GRM1: variants seen among roughly 807,000 people sequenced by gnomAD.
GRM1 encodes the protein glutamate metabotropic receptor 1, also known as metabotropic glutamate receptor 1.
In GRM1, 33 loss-of-function variants were observed where a neutral mutation model predicts 90.9. The ratio of observed to expected loss-of-function variants is 0.36; its 90% CI spans 0.28 to 0.49. The LOEUF is 0.49. GRM1 is among the 20% of genes least tolerant of loss of function. The pLI is 0.99. For missense variants in GRM1, 1,190 were observed against 1,534.3 expected, an observed-to-expected ratio of 0.78 and a Z score of 3.75; for synonymous variants, 700 against 613.2, an observed-to-expected ratio of 1.14 and a Z score of -2.09.
chr6:146,150,759 T>C (rs916510884), intron 1 of GRM1, among the ~76,000 whole-genome samples: 9 of 152,128 alleles, frequency 5.9e-5, no homozygotes, highest in African/African-American at 1.9e-4. Context: ...TCTATCTCCA[T>C]GAGATTTAAC....
intron 2 of GRM1, among the ~76,000 whole-genome samples, chr6:146,217,433 G>A (rs117286040): frequency 0.017 from 2,600 of 152,250 alleles, 42 homozygotes; most frequent in Middle Eastern, 0.061. Context: ...CATAAACATA[G>A]CACAGGTTCA....
chr6:146,278,592 A>T (rs1299748290), intron 2 of GRM1, among the ~76,000 whole-genome samples: 2 of 152,262 alleles, frequency 1.3e-5, no homozygotes, highest in South Asian at 4.1e-4. Flanking sequence ...CCTGGCCAAC[A>T]TGGTGAAACC....
intron 2 of GRM1, among the ~76,000 whole-genome samples, chr6:146,255,212 C>T (rs1192932472): frequency 6.6e-6 from 1 of 152,096 alleles, no homozygotes; most frequent in Non-Finnish European, 1.5e-5. Context: ...ATTTTTGGTA[C>T]AAACATATAT....
intron 7 of GRM1, among the ~76,000 whole-genome samples, chr6:146,408,745 G>A (rs1317182911): frequency 6.6e-6 from 1 of 152,164 alleles, no homozygotes; most frequent in Non-Finnish European, 1.5e-5. Flanking sequence ...GATGTGTGAA[G>A]AAGGACACCC....
rs770271924 is a variant in GRM1, at chr6:146,029,980, C to G, written c.463C>G (p.Pro155Ala). 1 of 1,614,138 alleles carries G rather than the reference C, an allele frequency of 6.2e-7. No individual in the cohort carries two copies. The highest frequency in any genetic ancestry group is 1.1e-5 in the South Asian group (1 of 91,082). The change falls in exon 1 of 8, where the codon CCC (proline) becomes GCC (alanine). Residue 155 changes from proline to alanine, a missense_variant. Pro to Ala is a conservative substitution (Grantham distance 27, BLOSUM62 -1). This residue lies in a region of GRM1 where 91 missense variants were observed against 95.6 expected (regional missense o/e 0.95). Coordinates refer to ENST00000282753, the MANE Select transcript of GRM1 (RefSeq NM_001278064.2). ...CCTCCCCCCAGGCAGGACTAAGAAGCCCATTGCGGGAGTGATCGGTCCCGG... is the reference window on the plus strand; with the variant it reads ...CCTCCCCCCAGGCAGGACTAAGAAGGCCATTGCGGGAGTGATCGGTCCCGG... ...QSLPPGRTKK[P>A]IAGVIGPGSS...
chr6:146,096,473 C>T (rs1776877475), intron 1 of GRM1, among the ~76,000 whole-genome samples: 1 of 152,156 alleles, frequency 6.6e-6, no homozygotes, highest in Non-Finnish European at 1.5e-5. Flanking sequence ...GCTTAAAGGA[C>T]CCAGTGGCTA....
chr6:146,346,881 C>T (rs1011207123), intron 3 of GRM1, among the ~76,000 whole-genome samples: 4 of 152,090 alleles, frequency 2.6e-5, no homozygotes, highest in South Asian at 4.1e-4. Flanking sequence ...CTACAAATGT[C>T]GAGAAATCAG....
chr6:146,159,411 T>C lies in GRM1; in HGVS notation c.764T>C (p.Ile255Thr). The C allele has an allele frequency of 6.2e-7, 1 of 1,614,186 alleles. No homozygotes were observed. Among genetic ancestry groups the C allele is most frequent in the Non-Finnish European group, 8.5e-7 (1 of 1,180,014 alleles). ...CTGGCTGCCCAGGAAGGCCTCTGTA[T>C]CGCCCATTCTGACAAAATCTACAGC... ...KELAAQEGLC[I>T]AHSDKIYSNA... Residue 255 changes from isoleucine (I) to threonine (T), a missense_variant, in exon 2 of 8, where the codon ATC becomes ACC. This residue lies in a region of GRM1 where 45 missense variants were observed against 45.5 expected (regional missense o/e 0.99). Coordinates refer to ENST00000282753, the MANE Select transcript of GRM1 (RefSeq NM_001278064.2).
intron 1 of GRM1, among the ~76,000 whole-genome samples, chr6:146,090,702 A>G (rs1338120064): frequency 6.6e-6 from 1 of 152,102 alleles, no homozygotes; most frequent in African/African-American, 2.4e-5. Flanking sequence ...ACAGTTAAAA[A>G]TCAGCCACAC....
chr6:146,278,081 AT>A (rs1189828962), intron 2 of GRM1, among the ~76,000 whole-genome samples: 3 of 152,160 alleles, frequency 2.0e-5, no homozygotes, highest in Non-Finnish European at 4.4e-5. Context: ...GATTAAAGTG[AT>A]TATATTTTTT....
intron 2 of GRM1, among the ~76,000 whole-genome samples, chr6:146,180,038 A>G (rs964435184): frequency 4.6e-5 from 7 of 152,068 alleles, no homozygotes; most frequent in Non-Finnish European, 8.8e-5. Context: ...GGCCCCAGCT[A>G]CTAGGGAAGC....
At chr6:146,144,022 C>T (rs999377623) in intron 1 of GRM1, among the ~76,000 whole-genome samples, 2 of 152,176 alleles carry the variant, frequency 1.3e-5, no homozygotes, top group Admixed American at 6.5e-5. Context: ...GGCTACCAAA[C>T]AAAATTATTA....
chr6:146,391,805 G>A (rs1285296316), intron 6 of GRM1, among the ~76,000 whole-genome samples: 1 of 152,044 alleles, frequency 6.6e-6, no homozygotes, highest in Non-Finnish European at 1.5e-5. Flanking sequence ...GATTGGCATT[G>A]AAAAGCCTGG....
At chr6:146,365,361 C>A (rs2115075040) in intron 5 of GRM1, 1 of 152,334 alleles carries the variant, frequency 6.6e-6, no homozygotes, top group South Asian at 2.1e-4. Flanking sequence ...CACACCTTCA[C>A]CACTCCCACT....
intron 1 of GRM1, among the ~76,000 whole-genome samples, chr6:146,055,380 C>CT (rs540666861): frequency 6.6e-6 from 1 of 152,102 alleles, no homozygotes; most frequent in East Asian, 1.9e-4. Flanking sequence ...CTAACCACAC[C>CT]TTTTTTTAAT....
chr6:146,280,362 G>A (rs962324983), intron 2 of GRM1, among the ~76,000 whole-genome samples: 1 of 152,096 alleles, frequency 6.6e-6, no homozygotes, highest in African/African-American at 2.4e-5. Flanking sequence ...TTATTTAAGG[G>A]AGAACTTAAC....
chr6:146,131,278 A>T (rs1038911136), intron 1 of GRM1, among the ~76,000 whole-genome samples: 3 of 151,788 alleles, frequency 2.0e-5, no homozygotes, highest in African/African-American at 7.3e-5. Flanking sequence ...ACTTTTTTTC[A>T]TTTGCTTTAT....
rs1003012804 is a variant in GRM1, at chr6:146,128,972, T to C, written c.701-30376T>C. On this transcript the variant is annotated intron_variant, in intron 1 of 7. Transcript: ENST00000282753. Reference sequence around the variant, plus strand: ...CTCGCTTTTGTATTCCTAGAGTCTTTAGATGTGGTTTCCAGAAGCTTAAAT... The same window carrying C: ...CTCGCTTTTGTATTCCTAGAGTCTTCAGATGTGGTTTCCAGAAGCTTAAAT... 3.3e-5 allele frequency among the ~76,000 whole-genome samples: 5 copies of C among 152,162 alleles called. No homozygotes were observed. The East Asian group carries it at 5.8e-4, about 18-fold the overall frequency.
intron 2 of GRM1, among the ~76,000 whole-genome samples, chr6:146,302,766 T>C (rs1312219500): frequency 1.3e-5 from 2 of 151,676 alleles, no homozygotes; most frequent in African/African-American, 4.9e-5. Flanking sequence ...GGATAGTGAG[T>C]CTTATTCTCA....
Sources: gnomAD v4.1 joint callset for allele counts (sites outside exome capture counted in the v4.1 genomes callset) on GRCh38, gnomAD v4.1.1 for gene constraint, gnomAD v4.1.1 regional missense constraint, MANE v1.5 for transcripts, NCBI Gene and HGNC (gene_info 2026-07-23, HGNC 2026-07-21) for gene names.